The following KNDC1 variants were observed in gnomAD, a reference collection of about 807,000 sequenced individuals.
KNDC1 encodes the protein kinase non-catalytic C-lobe domain-containing protein 1.
In KNDC1, 106 loss-of-function variants were observed where a neutral mutation model predicts 172.8. That is an observed-to-expected ratio of 0.61 (90% confidence interval 0.52 to 0.72). The LOEUF is 0.72. KNDC1 is among the 30% of genes least tolerant of loss of function. The probability of loss-of-function intolerance (pLI) is 0.00; values close to 1 mark genes in which losing one functional copy is unlikely to be tolerated. For synonymous variants in KNDC1, 1,083 were observed against 1,062.2 expected (o/e 1.02, Z -0.38); for missense variants, 2,325 against 2,394.5 (o/e 0.97, Z 0.61).
At chr10:133,197,888 A>G in intron 12 of KNDC1, 120 bp downstream of exon 12, 1 of 843,600 alleles carries the variant, frequency 1.2e-6, no homozygotes, top group Non-Finnish European at 2.0e-6. Flanking sequence ...AAGCAAGTCC[A>G]GAGCTCGGCC....
chr10:133,186,143 C>G lies in KNDC1; in HGVS notation c.795C>G (p.Thr265=). The change falls in exon 6 of 30, where the codon ACC becomes ACG. Residue 265 remains threonine (T), a synonymous_variant. Coordinates refer to ENST00000304613, the MANE Select transcript of KNDC1 (RefSeq NM_152643.8). ...CCCCAACCAAGGCTCTGCTGTCCAC[C>G]CCGGTGAGAAATGGCGAGAGCCACA... is the stretch of plus-strand genomic sequence containing the variant. ...RASPTKALLS[T]PVRNGESHSR... 6.3e-7 allele frequency: 1 copy of G among 1,591,384 alleles called. No homozygotes were observed. The highest frequency in any genetic ancestry group is 8.6e-7 in the Non-Finnish European group (1 of 1,169,454).
rs68096239 is a variant in KNDC1 at position 133,181,834 on chromosome 10, C to A, written c.361-1510C>A. On this transcript the variant is annotated intron_variant, in intron 3 of 29. Coordinates refer to ENST00000304613, the MANE Select transcript of KNDC1 (RefSeq NM_152643.8). Reference sequence around the variant, plus strand: ...CCAGACCAGGAAGCCCCAGGACCGTCCACACACACACACACACACACACAC... The same window carrying A: ...CCAGACCAGGAAGCCCCAGGACCGTACACACACACACACACACACACACAC... Among the ~76,000 whole-genome samples the A allele has an allele frequency of 1.9e-3, 259 of 138,764 alleles. 7 individuals are homozygous for A. The highest frequency in any genetic ancestry group is 3.8e-3 in the Middle Eastern group (1 of 262). The allele number at this position is 138,764 out of a possible 152,430, so 91.0% of individuals were successfully genotyped here. A position where few individuals can be genotyped will look rare whatever the true frequency, so the allele number is the denominator to read the frequency against.
At position 133,198,733 on chromosome 10, in the gene KNDC1, C is replaced by T. The variant is rs1246414310; in HGVS notation, c.2225C>T (p.Ala742Val). Reference protein sequence around the residue: ...PVPGPGPQGAAPEPLGASVQR... With the variant: ...PVPGPGPQGAVPEPLGASVQR... Reference sequence around the variant, plus strand: ...CCTGGTCCGGGGCCACAGGGAGCAGCCCCAGAGCCTCTTGGGGCGTCAGTG... The same window carrying T: ...CCTGGTCCGGGGCCACAGGGAGCAGTCCCAGAGCCTCTTGGGGCGTCAGTG... The change falls in exon 14 of 30, where the codon GCC becomes GTC. Residue 742 changes from alanine to valine, a missense_variant. Ala to Val is a moderately conservative substitution (Grantham distance 64, BLOSUM62 0). Coordinates refer to ENST00000304613, the MANE Select transcript of KNDC1 (RefSeq NM_152643.8). 1 of 1,577,188 alleles carries T rather than the reference C, an allele frequency of 6.3e-7. No homozygotes were observed. The highest frequency in any genetic ancestry group is 1.3e-5 in the African/African-American group (1 of 74,264).
At chr10:133,201,929 G>T in intron 17 of KNDC1, 31 bp downstream of exon 17, 1 of 1,520,830 alleles carries the variant, frequency 6.6e-7, no homozygotes. Flanking sequence ...CTGCCGGGTG[G>T]GGCAGGGCGT....
chr10:133,165,400 C>T (rs934846043), intron 1 of KNDC1, among the ~76,000 whole-genome samples: 15 of 152,286 alleles, frequency 9.8e-5, no homozygotes, highest in Admixed American at 4.6e-4. Context: ...CCCGGGTCCA[C>T]GTGTCTCGAC....
At chr10:133,179,512 C>G (rs537110704) in intron 3 of KNDC1, 1 of 152,370 alleles carries the variant, frequency 6.6e-6, no homozygotes, top group Admixed American at 6.5e-5. Context: ...CTTCCTGAAG[C>G]GAGACTCGGG....
chr10:133,183,907 C>T lies in KNDC1; in HGVS notation c.543C>T (p.Leu181=). The change falls in exon 5 of 30, where the codon CTC becomes CTT. Residue 181 remains leucine, a synonymous_variant. Coordinates refer to ENST00000304613, the MANE Select transcript of KNDC1 (RefSeq NM_152643.8). ...IIALCEEKLQ[L]TSSCRVCRSL... is the part of the protein sequence containing the mutation. ...CGCTGTGTGAAGAGAAGCTGCAGCT[C>T]ACATCCTCCTGTCGCGTGTGCCGGA... 2 of 1,602,700 alleles carry T rather than the reference C, an allele frequency of 1.2e-6. No individual in the cohort carries two copies. The highest frequency in any genetic ancestry group is 1.1e-5 in the South Asian group (1 of 90,556).
chr10:133,189,359 C>T (rs540738408), intron 7 of KNDC1, among the ~76,000 whole-genome samples: 35 of 152,310 alleles, frequency 2.3e-4, no homozygotes, highest in Admixed American at 7.8e-4. Flanking sequence ...GCAGATATGC[C>T]GCTGCAGCCA....
intron 1 of KNDC1, chr10:133,167,076 G>A (rs971917163): frequency 7.6e-5 from 35 of 458,436 alleles, no homozygotes; most frequent in Middle Eastern, 6.2e-4. Context: ...GTGCTCCACG[G>A]AGCAGGTGAC....
At chr10:133,188,674 T>TC (rs762573530) in intron 7 of KNDC1, 21 bp downstream of exon 7, 23 of 1,215,910 alleles carry the variant, frequency 1.9e-5, no homozygotes, top group East Asian at 7.6e-5. Context: ...CACCATCCCA[T>TC]CCCCCCCGCC....
intron 10 of KNDC1, among the ~76,000 whole-genome samples, chr10:133,196,330 CGCACCCG>C (rs1413094017): frequency 6.6e-6 from 1 of 152,144 alleles, no homozygotes. Flanking sequence ...GACCTGCACC[CGCACCCG>C]GCATGGGGAC....
intron 17 of KNDC1, chr10:133,202,207 C>T: frequency 3.1e-6 from 2 of 654,796 alleles, no homozygotes; most frequent in Non-Finnish European, 5.6e-6. Flanking sequence ...TGCTCGTGAC[C>T]AGGTTGCGTT....
At chr10:133,162,987 A>C (rs926516377) in intron 1 of KNDC1, among the ~76,000 whole-genome samples, 1 of 152,042 alleles carries the variant, frequency 6.6e-6, no homozygotes, top group Non-Finnish European at 1.5e-5. Flanking sequence ...CCACCAGTAC[A>C]CGATAGACAG....
intron 26 of KNDC1, among the ~76,000 whole-genome samples, chr10:133,214,880 C>G (rs1440160515): frequency 1.3e-5 from 2 of 152,234 alleles, no homozygotes; most frequent in African/African-American, 2.4e-5. Context: ...ACCAGCTCAT[C>G]CTTCACGGGG....
chr10:133,206,474 T>C, intron 17 of KNDC1, among the ~76,000 whole-genome samples: 1 of 151,638 alleles, frequency 6.6e-6, no homozygotes, highest in East Asian at 1.9e-4. Context: ...GGCACTGCCC[T>C]GTGAGCCTGG....
intron 17 of KNDC1, chr10:133,202,514 C>T (rs1346802776): frequency 4.7e-6 from 2 of 424,500 alleles, no homozygotes; most frequent in Non-Finnish European, 9.5e-6. Context: ...GGGCTGCATT[C>T]TCGAGAGCCC....
In KNDC1 at chr10:133,207,212, G is replaced by A. The variant is rs772120763; in HGVS notation, c.3655G>A (p.Asp1219Asn). Residue 1219 changes from aspartate to asparagine, a missense_variant, in exon 20 of 30, where the codon GAC becomes AAC. By Grantham distance (23) the Asp-to-Asn change is conservative. Coordinates refer to ENST00000304613, the MANE Select transcript of KNDC1 (RefSeq NM_152643.8). ...VIVNIAAAPCDTLDFSPLDES... is the reference protein window; with the variant it reads ...VIVNIAAAPCNTLDFSPLDES... Reference sequence around the variant, plus strand: ...CGTGAACATCGCGGCCGCACCCTGCGACACGCTGGACTTCAGCCCCCTGGA... The same window carrying A: ...CGTGAACATCGCGGCCGCACCCTGCAACACGCTGGACTTCAGCCCCCTGGA... 6 of 1,612,280 alleles carry A rather than the reference G, an allele frequency of 3.7e-6. No individual in the cohort carries two copies. Among genetic ancestry groups the A allele is most frequent in the East Asian group, 2.2e-5 (1 of 44,862 alleles).
intron 15 of KNDC1, 152 bp downstream of exon 15, chr10:133,199,754 G>T (rs1193397944): frequency 4.6e-6 from 4 of 872,866 alleles, no homozygotes; most frequent in Non-Finnish European, 6.9e-6. Flanking sequence ...GTGGAGATGG[G>T]TGGGGGTCCC....
intron 26 of KNDC1, among the ~76,000 whole-genome samples, chr10:133,217,319 A>G (rs1312433912): frequency 1.3e-5 from 2 of 152,246 alleles, no homozygotes; most frequent in African/African-American, 4.8e-5. Context: ...TCCGGTAAAC[A>G]CTTCTCAAGC....
Sources: allele counts gnomAD v4.1 joint callset (sites outside exome capture counted in the v4.1 genomes callset), GRCh38; gene constraint gnomAD v4.1.1; transcripts MANE v1.5; gene names NCBI Gene and HGNC (gene_info 2026-07-23, HGNC 2026-07-21).